Variants in ZP3 observed in about 807,000 individuals in gnomAD.
The protein encoded by ZP3 is zona pellucida glycoprotein 3.
ZP3 carries 21 observed loss-of-function variants against 35.6 expected under a neutral mutation model. The observed-to-expected ratio is 0.59, with a 90% CI of 0.42 to 0.85. The LOEUF is 0.85. ZP3 is among the 40% of genes least tolerant of loss of function. ZP3 has a pLI of 0.00. For synonymous variants in ZP3, 207 were observed against 214.5 expected (o/e 0.96, Z 0.31); for missense variants, 437 against 536.5 (o/e 0.81, Z 1.83).
intron 5 of ZP3, among the ~76,000 whole-genome samples, chr7:76,438,254 T>C (rs1806084287): frequency 6.6e-6 from 1 of 152,000 alleles, no homozygotes; most frequent in South Asian, 2.1e-4. Context: ...GGATGGAATG[T>C]CAGTCTAAAA....
At chr7:76,400,499 C>T (rs1316333344) in intron 1 of ZP3, 14 of 1,600,962 alleles carry the variant, frequency 8.7e-6, no homozygotes, top group Non-Finnish European at 1.2e-5. Flanking sequence ...TCCACCACGT[C>T]CCAGTCGTCA....
Position 76,425,212 on chromosome 7 carries a change from C to T in ZP3, c.248C>T (p.Ser83Phe), listed in dbSNP as rs377192244. The T allele has an allele frequency of 2.9e-5, 46 of 1,613,802 alleles. No individual in the cohort carries two copies. The highest frequency in any genetic ancestry group is 3.8e-5 in the Non-Finnish European group (45 of 1,180,006). Residue 83 changes from serine (S) to phenylalanine (F), a missense_variant, in exon 1 of 8, where the codon TCC (serine) becomes TTC (phenylalanine). Coordinates refer to ENST00000394857, the MANE Select transcript of ZP3 (RefSeq NM_001110354.2). ...LGPEACEPLV[S>F]MDTEDVVRFE... ...CCAGAGGCCTGTGAGCCTCTGGTCT[C>T]CATGGACACAGAAGATGTGGTCAGG...
Position 76,433,515 on chromosome 7 carries a change from A to G in ZP3, c.581A>G (p.Asp194Gly). 6.2e-7 allele frequency: 1 copy of G among 1,613,948 alleles called. No homozygotes were observed. Among genetic ancestry groups the G allele is most frequent in the Non-Finnish European group, 8.5e-7 (1 of 1,179,970 alleles). The change falls in exon 4 of 8, where the codon GAT becomes GGT. Residue 194 changes from aspartate (D) to glycine (G), a missense_variant. Coordinates refer to ENST00000394857, the MANE Select transcript of ZP3 (RefSeq NM_001110354.2). ...EKRSPTFHLGDAAHLQAEIHT... is the reference protein window; with the variant it reads ...EKRSPTFHLGGAAHLQAEIHT... ...AGGTCCCCCACCTTCCACCTGGGAG[A>G]TGCAGCCCACCTCCAGGCAGAAATC...
chr7:76,419,768 C>G (rs1417502506), intron 1 of ZP3, among the ~76,000 whole-genome samples: 1 of 140,692 alleles, frequency 7.1e-6, no homozygotes, highest in South Asian at 2.4e-4. Context: ...TTTTCCCCCT[C>G]CCCTCCTCCT....
chr7:76,437,181 T>TTTTC, intron 5 of ZP3, among the ~76,000 whole-genome samples: 1 of 136,528 alleles, frequency 7.3e-6, no homozygotes, highest in African/African-American at 2.9e-5. Flanking sequence ...CTTTTTTTTT[T>TTTTC]TTTTTTTTTT....
rs1165249073 is a variant in ZP3 at position 76,425,101 on chromosome 7, G to A, written c.137G>A (p.Cys46Tyr). ...TCCGTACAGCCCGTACTGGTGGAGT[G>A]TCAGGAGGCCACTCTGATGGTCATG... ...ETSVQPVLVE[C>Y]QEATLMVMVS... Residue 46 changes from cysteine to tyrosine, a missense_variant, in exon 1 of 8, where the codon TGT becomes TAT. Transcript: ENST00000394857. The A allele has an allele frequency of 6.2e-7, 1 of 1,613,918 alleles. No homozygotes were observed. Among genetic ancestry groups the A allele is most frequent in the African/African-American group, 1.3e-5 (1 of 75,064 alleles).
upstream of ZP3, among the ~76,000 whole-genome samples, chr7:76,422,406 C>T (rs1364640113): frequency 2.0e-5 from 3 of 151,906 alleles, no homozygotes; most frequent in Non-Finnish European, 2.9e-5. Flanking sequence ...TGGCCAGGCG[C>T]GGTGGCTCAC....
At chr7:76,418,703 A>C (rs1584049013) in intron 1 of ZP3, among the ~76,000 whole-genome samples, 1 of 151,936 alleles carries the variant, frequency 6.6e-6, no homozygotes, top group East Asian at 1.9e-4. Flanking sequence ...AAAAATACAA[A>C]AAATTAGCCG....
rs1185813503 is a variant in ZP3 at position 76,425,224 on chromosome 7, A to C, written c.260A>C (p.Glu87Ala). Reference protein sequence around the residue: ...ACEPLVSMDTEDVVRFEVGLH... With the variant: ...ACEPLVSMDTADVVRFEVGLH... ...GAGCCTCTGGTCTCCATGGACACAG[A>C]AGATGTGGTCAGGTTTGAGGTTGGA... Residue 87 changes from glutamate to alanine, a missense_variant, in exon 1 of 8, where the codon GAA becomes GCA. Glu to Ala is a moderately radical substitution (Grantham distance 107). This residue lies in a region of ZP3 where 352 missense variants were observed against 308.4 expected (regional missense o/e 1.14). Transcript: ENST00000394857. 6.2e-7 allele frequency: 1 copy of C among 1,613,770 alleles called. No individual in the cohort carries two copies. Among genetic ancestry groups the C allele is most frequent in the Admixed American group, 1.7e-5 (1 of 60,002 alleles).
intron 1 of ZP3, among the ~76,000 whole-genome samples, chr7:76,419,837 C>A (rs985713836): frequency 7.2e-6 from 1 of 139,700 alleles, no homozygotes; most frequent in African/African-American, 2.6e-5. Context: ...CTCACTCTGT[C>A]GCCAGGCTGG....
intron 2 of ZP3, among the ~76,000 whole-genome samples, chr7:76,430,970 G>A (rs1253834464): frequency 1.3e-5 from 2 of 152,202 alleles, no homozygotes; most frequent in Non-Finnish European, 2.9e-5. Flanking sequence ...CCCAGGGACT[G>A]GGGTAATGAG....
chr7:76,407,085 C>G (rs564021391), intron 1 of ZP3, among the ~76,000 whole-genome samples: 1 of 151,912 alleles, frequency 6.6e-6, no homozygotes, highest in East Asian at 1.9e-4. Flanking sequence ...CTCAGCCTCC[C>G]GAGTAGCTGG....
At chr7:76,402,173 T>A (rs1804853020) in intron 1 of ZP3, among the ~76,000 whole-genome samples, 1 of 145,066 alleles carries the variant, frequency 6.9e-6, no homozygotes, top group Non-Finnish European at 1.5e-5. Flanking sequence ...CCTGCCACCC[T>A]GCCCAGCTAT....
At chr7:76,421,389 G>C (rs753748039), upstream of ZP3, among the ~76,000 whole-genome samples, 10 of 151,954 alleles carry the variant, frequency 6.6e-5, no homozygotes, top group Non-Finnish European at 1.2e-4. Context: ...CAAGTAGCTA[G>C]GACTACAGGT....
intron 3 of ZP3, 94 bp downstream of exon 3, chr7:76,433,124 T>TTTGATTTTGG (rs1554625759): frequency 2.2e-5 from 15 of 673,474 alleles, no homozygotes; most frequent in Non-Finnish European, 3.7e-5. Flanking sequence ...TTTGTTTGGT[T>TTTGATTTTGG]TTGGTTTTGG....
chr7:76,418,676 A>G (rs768762995), intron 1 of ZP3, among the ~76,000 whole-genome samples: 3 of 151,764 alleles, frequency 2.0e-5, no homozygotes, highest in Non-Finnish European at 2.9e-5. Flanking sequence ...CTAACACGGT[A>G]AAACTCCATC....
chr7:76,426,653 C>G (rs112426871), intron 1 of ZP3, among the ~76,000 whole-genome samples: 14 of 152,122 alleles, frequency 9.2e-5, no homozygotes, highest in Admixed American at 3.3e-4. Context: ...TGGCTCCCCC[C>G]CCTTCTGTGA....
At chr7:76,416,973 T>TATATATAA (rs568367143) in intron 1 of ZP3, among the ~76,000 whole-genome samples, 121 of 47,152 alleles carry the variant, frequency 2.6e-3, no homozygotes, top group African/African-American at 0.011. Context: ...TATATATATA[T>TATATATAA]AATTTGGCAT....
At chr7:76,436,858 G>A (rs1337742335) in intron 5 of ZP3, among the ~76,000 whole-genome samples, 2 of 152,242 alleles carry the variant, frequency 1.3e-5, no homozygotes, top group African/African-American at 4.8e-5. Context: ...GGTATGGACT[G>A]AGGTGGTTTC....
Sources: gnomAD v4.1 joint callset for allele counts (sites outside exome capture counted in the v4.1 genomes callset) on GRCh38, gnomAD v4.1.1 for gene constraint, gnomAD v4.1.1 regional missense constraint, MANE v1.5 for transcripts, NCBI Gene and HGNC (gene_info 2026-07-23, HGNC 2026-07-21) for gene names.